RIMBP2: variants seen among roughly 807,000 people sequenced by gnomAD.
RIMBP2 encodes RIMS-binding protein 2.
A neutral mutation model predicts 118.6 loss-of-function variants in RIMBP2; 48 were observed. That is an observed-to-expected ratio of 0.40 (90% confidence interval 0.32 to 0.51). RIMBP2 has a LOEUF of 0.51. RIMBP2 is among the 20% of genes least tolerant of loss of function. The pLI, the probability that RIMBP2 is intolerant of heterozygous loss-of-function variation, is 0.41. For missense variants in RIMBP2, 1,551 were observed against 1,768.3 expected (o/e 0.88, Z 2.20); for synonymous variants, 762 against 742.9 (o/e 1.03, Z -0.42).
At chr12:130,430,350 A>C (rs535909575) in intron 14 of RIMBP2, 1 of 152,240 alleles carries the variant, frequency 6.6e-6, no homozygotes, top group Non-Finnish European at 1.5e-5. Flanking sequence ...CGCATCCAGC[A>C]GGAGGCCTGT....
chr12:130,430,428 A>G (rs987311331), intron 14 of RIMBP2: 1 of 152,174 alleles, frequency 6.6e-6, no homozygotes, highest in Admixed American at 6.5e-5. Flanking sequence ...GATCATCACT[A>G]TAGCAAACTT....
At chr12:130,484,842 C>G (rs559089774) in intron 4 of RIMBP2, among the ~76,000 whole-genome samples, 3 of 152,350 alleles carry the variant, frequency 2.0e-5, no homozygotes, top group Admixed American at 2.0e-4. Flanking sequence ...GATACTGGCC[C>G]GCTGTGTGGT....
intron 2 of RIMBP2, among the ~76,000 whole-genome samples, chr12:130,624,764 G>A (rs577933152): frequency 3.3e-5 from 5 of 152,290 alleles, no homozygotes; most frequent in African/African-American, 1.2e-4. Flanking sequence ...TTGCGCTGTT[G>A]CCCAGAATGG....
At chr12:130,590,505 C>T (rs2059189429) in intron 2 of RIMBP2, among the ~76,000 whole-genome samples, 1 of 152,204 alleles carries the variant, frequency 6.6e-6, no homozygotes, top group Non-Finnish European at 1.5e-5. Context: ...CACCCAAGGG[C>T]TCCCCGCAGC....
chr12:130,402,556 T>TA lies in RIMBP2; in HGVS notation c.3766-2744dup, dbSNP rs371669847. Among the ~76,000 whole-genome samples the TA allele has an allele frequency of 1.7e-3, 265 of 152,236 alleles. 1 individual carries two copies. The highest frequency in any genetic ancestry group is 5.9e-3 in the African/African-American group (245 of 41,554). On this transcript the variant is annotated intron_variant, in intron 21 of 22. Transcript: ENST00000690449. ...AAACCCTTTACAGAATAACTTTCTC[T>TA]AAAAAAATTTCACCTTGACCTTTCC... is the stretch of plus-strand genomic sequence containing the variant.
At chr12:130,619,792 G>A (rs1465986678) in intron 2 of RIMBP2, among the ~76,000 whole-genome samples, 1 of 152,180 alleles carries the variant, frequency 6.6e-6, no homozygotes, top group Non-Finnish European at 1.5e-5. Flanking sequence ...GCTGCTGTCT[G>A]TGGATATCTA....
chr12:130,654,835 A>T (rs2063357383), intron 1 of RIMBP2, among the ~76,000 whole-genome samples: 1 of 152,218 alleles, frequency 6.6e-6, no homozygotes, highest in African/African-American at 2.4e-5. Context: ...GGTGGAAGAC[A>T]AAGAGGAGCC....
At chr12:130,706,239 C>T (rs1452792046) in intron 1 of RIMBP2, among the ~76,000 whole-genome samples, 1 of 152,236 alleles carries the variant, frequency 6.6e-6, no homozygotes, top group Non-Finnish European at 1.5e-5. Context: ...GAAATAAAGG[C>T]AATTGCTAAT....
At chr12:130,454,498 G>A (rs1566067434) in intron 7 of RIMBP2, among the ~76,000 whole-genome samples, 1 of 151,228 alleles carries the variant, frequency 6.6e-6, no homozygotes, top group Non-Finnish European at 1.5e-5. Context: ...TGTGAGGGGA[G>A]TGCCAGGGCA....
At chr12:130,693,987 G>A (rs2065455046) in intron 1 of RIMBP2, among the ~76,000 whole-genome samples, 1 of 152,206 alleles carries the variant, frequency 6.6e-6, no homozygotes, top group Non-Finnish European at 1.5e-5. Context: ...ATGCAGTGGA[G>A]CCTGCACACC....
At chr12:130,602,536 C>G (rs931485629) in intron 2 of RIMBP2, among the ~76,000 whole-genome samples, 37 of 152,250 alleles carry the variant, frequency 2.4e-4, no homozygotes, top group Non-Finnish European at 1.0e-4. Flanking sequence ...CTGGGAGCTG[C>G]TTCCCCAGGG....
chr12:130,405,271 A>G (rs1406504110), intron 21 of RIMBP2, among the ~76,000 whole-genome samples: 1 of 152,248 alleles, frequency 6.6e-6, no homozygotes, highest in Non-Finnish European at 1.5e-5. Context: ...GTGACAAAGT[A>G]TGAATATCCT....
chr12:130,687,144 T>G (rs1024229190), intron 1 of RIMBP2, among the ~76,000 whole-genome samples: 2 of 152,192 alleles, frequency 1.3e-5, no homozygotes, highest in African/African-American at 4.8e-5. Context: ...CTCGTCTAGT[T>G]CCTGATACTT....
In RIMBP2 at chr12:130,450,397, TG is replaced by T; in HGVS notation, c.505-122del. 2 of 723,242 alleles carry T rather than the reference TG, an allele frequency of 2.8e-6. No individual in the cohort carries two copies. Among genetic ancestry groups the T allele is most frequent in the Non-Finnish European group, 4.9e-6 (2 of 406,532 alleles). The allele number at this position is 723,242 out of a possible 1,614,324, so 44.8% of individuals were successfully genotyped here. A position where few individuals can be genotyped will look rare whatever the true frequency, so the allele number is the denominator to read the frequency against. On this transcript the variant is annotated intron_variant, in intron 8 of 22. Transcript: ENST00000690449. This position sits in a 1 kb window ranked among gnomAD's most constrained non-coding sequence, Gnocchi z 4.8. ...CCCCAGGAGGGACGGCCTGAGACTG[TG>T]GCACTCCCAGGAGGCACTGCCACCC... is the stretch of plus-strand genomic sequence containing the variant.
chr12:130,619,274 C>T (rs865910110), intron 2 of RIMBP2, among the ~76,000 whole-genome samples: 4 of 152,218 alleles, frequency 2.6e-5, no homozygotes, highest in Non-Finnish European at 5.9e-5. Context: ...GTCACACAGA[C>T]CACAAACGCA....
At chr12:130,705,674 G>A (rs1456398624) in intron 1 of RIMBP2, among the ~76,000 whole-genome samples, 2 of 152,230 alleles carry the variant, frequency 1.3e-5, no homozygotes, top group Non-Finnish European at 2.9e-5. Context: ...CTGTGACGCT[G>A]GAGCACACTG....
chr12:130,601,500 T>C (rs986182131), intron 2 of RIMBP2, among the ~76,000 whole-genome samples: 1 of 152,210 alleles, frequency 6.6e-6, no homozygotes, highest in African/African-American at 2.4e-5. Flanking sequence ...GGCTTCCAGC[T>C]TGATGCCTTA....
At chr12:130,636,904 C>G (rs971016999) in intron 1 of RIMBP2, among the ~76,000 whole-genome samples, 5 of 152,184 alleles carry the variant, frequency 3.3e-5, no homozygotes, top group African/African-American at 1.2e-4. Context: ...TTTTCTGCCA[C>G]TTTTAGTAAA....
At chr12:130,470,826 G>A (rs1034800480) in intron 5 of RIMBP2, 83 bp from the exon 6 acceptor site, 7 of 703,662 alleles carry the variant, frequency 9.9e-6, no homozygotes, top group South Asian at 7.3e-5. Flanking sequence ...ATCACTGGGG[G>A]TGGGGGATCA....
Sources: gnomAD v4.1 joint callset for allele counts (sites outside exome capture counted in the v4.1 genomes callset) on GRCh38, gnomAD v4.1.1 for gene constraint, Gnocchi (gnomAD v3.1) non-coding constraint, MANE v1.5 for transcripts, NCBI Gene and HGNC (gene_info 2026-07-23, HGNC 2026-07-21) for gene names.